BMPR1B: variants seen among roughly 807,000 people sequenced by gnomAD.
BMPR1B encodes the protein bone morphogenetic protein receptor type 1B.
A neutral mutation model predicts 59.1 loss-of-function variants in BMPR1B; 12 were observed. The observed-to-expected ratio is 0.20, with a 90% CI of 0.13 to 0.33. The LOEUF is 0.33. BMPR1B is among the 10% of genes least tolerant of loss of function. BMPR1B has a pLI of 1.00. For missense variants in BMPR1B, 550 were observed against 610.9 expected, an observed-to-expected ratio of 0.90 and a Z score of 1.05; for synonymous variants, 237 against 207.3, an observed-to-expected ratio of 1.14 and a Z score of -1.23.
chr4:94,914,578 G>A (rs906242592), intron 2 of BMPR1B, among the ~76,000 whole-genome samples: 1 of 152,152 alleles, frequency 6.6e-6, no homozygotes, highest in African/African-American at 2.4e-5. Flanking sequence ...TTCTGAGGGA[G>A]TTGAGGAATC....
At chr4:94,847,999 T>C (rs1207751827) in intron 1 of BMPR1B, among the ~76,000 whole-genome samples, 1 of 152,204 alleles carries the variant, frequency 6.6e-6, no homozygotes, top group Non-Finnish European at 1.5e-5. Context: ...GTGATTATTA[T>C]GTATTGAGTG....
chr4:94,803,664 A>C (rs1723494401), intron 1 of BMPR1B, among the ~76,000 whole-genome samples: 1 of 152,152 alleles, frequency 6.6e-6, no homozygotes. Context: ...AGTTTTATGC[A>C]ATCTGTTCTC....
chr4:95,124,314 A>C (rs1407183854), intron 7 of BMPR1B, among the ~76,000 whole-genome samples: 2 of 152,106 alleles, frequency 1.3e-5, no homozygotes, highest in Non-Finnish European at 2.9e-5. Context: ...ATTAATCATT[A>C]AAATAAGGTC....
chr4:95,100,496 C>T (rs1308599305), intron 3 of BMPR1B, among the ~76,000 whole-genome samples: 1 of 151,960 alleles, frequency 6.6e-6, no homozygotes, highest in Admixed American at 6.6e-5. Flanking sequence ...ATTAGGGTGT[C>T]TGTTTGTCTA....
At chr4:95,042,301 T>C (rs1725714539) in intron 3 of BMPR1B, among the ~76,000 whole-genome samples, 8 of 152,220 alleles carry the variant, frequency 5.3e-5, no homozygotes, top group Admixed American at 5.2e-4. Context: ...TGCTTATTGA[T>C]AATGTACAAA....
At chr4:95,029,160 A>G (rs1724636919) in intron 3 of BMPR1B, among the ~76,000 whole-genome samples, 1 of 151,786 alleles carries the variant, frequency 6.6e-6, no homozygotes, top group African/African-American at 2.4e-5. Flanking sequence ...GGTTAGTTAC[A>G]TATGTATACA....
rs116360186 is a variant in BMPR1B, at chr4:94,964,253, A to G, written c.-112-31787A>G. Among the ~76,000 whole-genome samples, 1,280 of 152,256 alleles carry G rather than the reference A, an allele frequency of 8.4e-3. 17 individuals are homozygous for G. Among genetic ancestry groups the G allele is most frequent in the African/African-American group, 0.029 (1,203 of 41,568 alleles). On this transcript the variant is annotated intron_variant, in intron 2 of 12. Transcript: ENST00000515059. ...AGAATTTTCAGGTTTTTCTAAATATATCACCTACAAACAAAGATAATTTGA... is the reference window on the plus strand; with the variant it reads ...AGAATTTTCAGGTTTTTCTAAATATGTCACCTACAAACAAAGATAATTTGA...
chr4:95,080,244 A>G lies in BMPR1B; in HGVS notation c.-17-24164A>G, dbSNP rs562226265. On this transcript the variant is annotated intron_variant, in intron 3 of 12. Transcript: ENST00000515059. ...TATGTATGTATGTATGTACATATGTACGTATGTATGTATATAAAGTCTTGC... is the reference window on the plus strand; with the variant it reads ...TATGTATGTATGTATGTACATATGTGCGTATGTATGTATATAAAGTCTTGC... Among the ~76,000 whole-genome samples, 4 of 152,278 alleles carry G rather than the reference A, an allele frequency of 2.6e-5. No individual in the cohort carries two copies. In the South Asian group the frequency reaches 8.3e-4, roughly 32 times the overall value.
At chr4:94,834,171 C>T (rs1336920418) in intron 1 of BMPR1B, among the ~76,000 whole-genome samples, 5 of 152,138 alleles carry the variant, frequency 3.3e-5, no homozygotes, top group African/African-American at 9.7e-5. Flanking sequence ...CTGTAGAAGG[C>T]ACAGTTCTGC....
Position 95,134,187 on chromosome 4 carries a change from A to G in BMPR1B, c.1076+2675A>G, listed in dbSNP as rs187910040. Among the ~76,000 whole-genome samples, 970 of 152,256 alleles carry G rather than the reference A, an allele frequency of 6.4e-3. 8 individuals are homozygous for G. The highest frequency in any genetic ancestry group is 0.022 in the African/African-American group (902 of 41,544). On this transcript the variant is annotated intron_variant, in intron 10 of 12. Transcript: ENST00000515059. ...GGTTTCCAGTTTCATCCATGTCCCTACAAAGAATATGAACTCATCCTTTTT... is the reference window on the plus strand; with the variant it reads ...GGTTTCCAGTTTCATCCATGTCCCTGCAAAGAATATGAACTCATCCTTTTT...
intron 2 of BMPR1B, among the ~76,000 whole-genome samples, chr4:94,902,216 T>TCACACACACACACACACACA (rs748411550): frequency 2.6e-5 from 2 of 77,394 alleles, no homozygotes; most frequent in African/African-American, 9.9e-5. Context: ...GAAATTCAAT[T>TCACACACACACACACACACA]CACACACACA....
intron 2 of BMPR1B, among the ~76,000 whole-genome samples, chr4:94,981,026 A>G (rs2028761): frequency 0.96 from 145,119 of 151,842 alleles, 69,380 homozygotes; most frequent in Middle Eastern, 0.99. Flanking sequence ...CACACACAAA[A>G]AGTAGAAGTT....
At chr4:95,149,929 A>T (rs1317285071) in intron 11 of BMPR1B, among the ~76,000 whole-genome samples, 1 of 152,238 alleles carries the variant, frequency 6.6e-6, no homozygotes, top group African/African-American at 2.4e-5. Context: ...CAATGTAAAG[A>T]TAATGAGAAC....
rs151021075 is a variant in BMPR1B, at chr4:94,979,362, A to G, written c.-112-16678A>G. Among the ~76,000 whole-genome samples, 211 of 152,360 alleles carry G rather than the reference A, an allele frequency of 1.4e-3. 1 individual carries two copies. Among genetic ancestry groups the G allele is most frequent in the African/African-American group, 4.9e-3 (203 of 41,584 alleles). On this transcript the variant is annotated intron_variant, in intron 2 of 12. Transcript: ENST00000515059. ...TTTTATGTTAAAAAAAAACTTACACATATTTTTGTTTTCATCCTCAAGTTT... is the reference window on the plus strand; with the variant it reads ...TTTTATGTTAAAAAAAAACTTACACGTATTTTTGTTTTCATCCTCAAGTTT...
At position 94,762,877 on chromosome 4, in the gene BMPR1B, G is replaced by A. The variant is rs562625615; in HGVS notation, c.-183+4809G>A. ...GTTTTTGTTTTTTTTTTTTTGCGGGGCTGGGGGCTGGGGGTGTGCCAGGAT... is the reference window on the plus strand; with the variant it reads ...GTTTTTGTTTTTTTTTTTTTGCGGGACTGGGGGCTGGGGGTGTGCCAGGAT... On this transcript the variant is annotated intron_variant, in intron 1 of 12. Coordinates refer to ENST00000515059, the MANE Select transcript of BMPR1B (RefSeq NM_001203.3). 2.0e-3 allele frequency among the ~76,000 whole-genome samples: 295 copies of A among 150,392 alleles called. 2 individuals carry two copies. Among genetic ancestry groups the A allele is most frequent in the Admixed American group, 3.0e-3 (46 of 15,092 alleles).
At chr4:94,772,792 T>C (rs1722231378) in intron 1 of BMPR1B, among the ~76,000 whole-genome samples, 1 of 152,176 alleles carries the variant, frequency 6.6e-6, no homozygotes, top group South Asian at 2.1e-4. Flanking sequence ...GATTTAACGA[T>C]GTGACCTCTG....
intron 3 of BMPR1B, among the ~76,000 whole-genome samples, chr4:95,065,599 A>G (rs1727739419): frequency 6.6e-6 from 1 of 152,186 alleles, no homozygotes; most frequent in Non-Finnish European, 1.5e-5. Flanking sequence ...TTAAGATTTT[A>G]TAAAAATGAA....
chr4:94,819,803 G>A (rs1724139675), intron 1 of BMPR1B, among the ~76,000 whole-genome samples: 1 of 152,194 alleles, frequency 6.6e-6, no homozygotes, highest in South Asian at 2.1e-4. Flanking sequence ...AGCTCACCCA[G>A]TAGTGTACAT....
At chr4:95,098,842 G>A (rs1263069358) in intron 3 of BMPR1B, among the ~76,000 whole-genome samples, 1 of 151,772 alleles carries the variant, frequency 6.6e-6, no homozygotes, top group Non-Finnish European at 1.5e-5. Context: ...TCAGACTCCC[G>A]AGTAGCTGGG....
Sources: allele counts gnomAD v4.1 joint callset (sites outside exome capture counted in the v4.1 genomes callset), GRCh38; gene constraint gnomAD v4.1.1; transcripts MANE v1.5; gene names NCBI Gene and HGNC (gene_info 2026-07-23, HGNC 2026-07-21).